The following ATP2B4 variants were observed in gnomAD, a reference collection of about 807,000 sequenced individuals.
The protein encoded by ATP2B4 is plasma membrane calcium-transporting ATPase 4.
In ATP2B4, 39 loss-of-function variants were observed where a neutral mutation model predicts 110.3. That is an observed-to-expected ratio of 0.35 (90% confidence interval 0.27 to 0.46). ATP2B4 has a LOEUF of 0.46. ATP2B4 is among the 20% of genes least tolerant of loss of function. The probability of loss-of-function intolerance (pLI) is 1.00; values close to 1 mark genes in which losing one functional copy is unlikely to be tolerated. For missense variants in ATP2B4, 1,135 were observed against 1,530.9 expected, an observed-to-expected ratio of 0.74 and a Z score of 4.32; for synonymous variants, 538 against 571.7, an observed-to-expected ratio of 0.94 and a Z score of 0.84.
At chr1:203,729,831 C>T in intron 20 of ATP2B4, 1 of 1,272,458 alleles carries the variant, frequency 7.9e-7, no homozygotes, top group South Asian at 1.3e-5. Flanking sequence ...TGGTTTGTCT[C>T]TCAGAGGGCT....
chr1:203,729,655 C>T, intron 20 of ATP2B4: 2 of 1,139,930 alleles, frequency 1.8e-6, no homozygotes, highest in Non-Finnish European at 2.4e-6. Flanking sequence ...TTCCAGGGTG[C>T]TGTGGCTGCC....
At position 203,736,245 on chromosome 1, in the gene ATP2B4, A is replaced by G. The variant is rs189446486; in HGVS notation, c.3310-3301A>G. Among the ~76,000 whole-genome samples the G allele has an allele frequency of 3.2e-4, 49 of 152,260 alleles. No individual in the cohort carries two copies. In the East Asian group the frequency reaches 8.7e-3, roughly 27 times the overall value. On this transcript the variant is annotated intron_variant, in intron 20 of 20. Transcript: ENST00000357681. ...TTTGGGAGGCCGAGGCAGGTGGATT[A>G]CTTGAGGTCAGGAGTTCGAGACCAG...
At chr1:203,658,813 G>A (rs1664244614) in intron 1 of ATP2B4, among the ~76,000 whole-genome samples, 1 of 152,076 alleles carries the variant, frequency 6.6e-6, no homozygotes, top group Non-Finnish European at 1.5e-5. Context: ...AGACCAGCCT[G>A]GCCAACATGG....
intron 20 of ATP2B4, among the ~76,000 whole-genome samples, chr1:203,729,163 G>A (rs989810923): frequency 2.0e-5 from 3 of 152,004 alleles, no homozygotes; most frequent in Admixed American, 6.6e-5. Flanking sequence ...ATCCCACCTC[G>A]TTAGTGTATA....
intron 1 of ATP2B4, among the ~76,000 whole-genome samples, chr1:203,632,181 C>T (rs887185179): frequency 6.6e-6 from 1 of 150,928 alleles, no homozygotes; most frequent in African/African-American, 2.4e-5. Context: ...TGGTACAGTC[C>T]ATACAATAGA....
At chr1:203,654,767 C>G (rs1664105799) in intron 1 of ATP2B4, among the ~76,000 whole-genome samples, 1 of 151,902 alleles carries the variant, frequency 6.6e-6, no homozygotes, top group African/African-American at 2.4e-5. Context: ...TGCTCTTGTG[C>G]TCTCAGCTAC....
intron 18 of ATP2B4, 93 bp from the exon 19 acceptor site, chr1:203,723,788 A>AGTGGGATG: frequency 1.1e-6 from 1 of 934,304 alleles, no homozygotes; most frequent in South Asian, 1.7e-5. Flanking sequence ...GATCCTGAGG[A>AGTGGGATG]GTGGGATGAT....
chr1:203,702,926 C>G (rs1468456744), intron 7 of ATP2B4, among the ~76,000 whole-genome samples: 1 of 152,226 alleles, frequency 6.6e-6, no homozygotes, highest in Non-Finnish European at 1.5e-5. Flanking sequence ...TTTAACTCTT[C>G]TTTTAAAAGC....
At chr1:203,640,530 G>T (rs150200861) in intron 1 of ATP2B4, among the ~76,000 whole-genome samples, 159 of 151,254 alleles carry the variant, frequency 1.1e-3, no homozygotes, top group African/African-American at 3.2e-3. Context: ...TCGCCATGTT[G>T]CCCAGGCTGG....
rs150774161 is a variant in ATP2B4 at position 203,740,820 on chromosome 1, G to A, written c.*966G>A. 10 of 152,356 alleles carry A rather than the reference G, an allele frequency of 6.6e-5. No individual in the cohort carries two copies. The highest frequency in any genetic ancestry group is 6.5e-4 in the Admixed American group (10 of 15,304). 9.4% of individuals were successfully genotyped at this position (152,356 alleles called of 1,614,324 possible). On this transcript the variant is annotated 3_prime_UTR_variant, in exon 21 of 21. Coordinates refer to ENST00000357681, the MANE Select transcript of ATP2B4 (RefSeq NM_001684.5). ...GGGTATGACCCTGCCCCCTTACTGGGCTTGGATATTGAGGACCAGACGCTG... is the reference window on the plus strand; with the variant it reads ...GGGTATGACCCTGCCCCCTTACTGGACTTGGATATTGAGGACCAGACGCTG...
At chr1:203,628,533 G>C (rs779636948) in intron 1 of ATP2B4, among the ~76,000 whole-genome samples, 1 of 152,194 alleles carries the variant, frequency 6.6e-6, no homozygotes, top group Non-Finnish European at 1.5e-5. Flanking sequence ...TGTGGAGAGG[G>C]GAAAGGAGTG....
At chr1:203,697,313 TG>T (rs1665562280) in intron 2 of ATP2B4, among the ~76,000 whole-genome samples, 1 of 152,246 alleles carries the variant, frequency 6.6e-6, no homozygotes. Context: ...CCATCTTGCA[TG>T]ACCTTGAGCA....
intron 20 of ATP2B4, among the ~76,000 whole-genome samples, chr1:203,737,615 G>A (rs1163518747): frequency 1.3e-5 from 2 of 152,138 alleles, no homozygotes; most frequent in East Asian, 3.8e-4. Flanking sequence ...CCTAGATCTG[G>A]AGCAAAGGCA....
At chr1:203,675,646 G>A (rs1664807185) in intron 1 of ATP2B4, among the ~76,000 whole-genome samples, 1 of 152,166 alleles carries the variant, frequency 6.6e-6, no homozygotes, top group Admixed American at 6.5e-5. Context: ...TTTGACTCTA[G>A]TACTACCTTT....
rs756148474 is a variant in ATP2B4, at chr1:203,711,956, A to G, written c.2032-4A>G. 9.3e-6 allele frequency: 15 copies of G among 1,613,796 alleles called. No individual in the cohort carries two copies. Among genetic ancestry groups the G allele is most frequent in the Non-Finnish European group, 1.1e-5 (13 of 1,179,864 alleles). ...CGCCTTTCCCCTTTCTTCACTCTCCATAGGTGCCAGATGCTATTGCCAAAT... is the reference window on the plus strand; with the variant it reads ...CGCCTTTCCCCTTTCTTCACTCTCCGTAGGTGCCAGATGCTATTGCCAAAT... On this transcript the variant is annotated splice_polypyrimidine_tract_variant and splice_region_variant and intron_variant, in intron 12 of 20. Transcript: ENST00000357681.
intron 1 of ATP2B4, among the ~76,000 whole-genome samples, chr1:203,655,897 G>A (rs28371789): frequency 0.96 from 146,006 of 152,034 alleles, 70,406 homozygotes; most frequent in East Asian, 1. Context: ...GATCATTAGC[G>A]TTGTGTTTTG....
In ATP2B4 at chr1:203,740,176, G is replaced by A. The variant is rs781127769; in HGVS notation, c.*322G>A. 2.1e-5 allele frequency: 6 copies of A among 280,264 alleles called. No individual in the cohort carries two copies. The highest frequency in any genetic ancestry group is 6.5e-5 in the African/African-American group (3 of 46,500). The allele number at this position is 280,264 out of a possible 1,614,324, so 17.4% of individuals were successfully genotyped here. ...CATCACCCCACCCCACATTCTCCCC[G>A]ATGTTCCTCTCCTGAATTCTGGATT... On this transcript the variant is annotated 3_prime_UTR_variant, in exon 21 of 21. Coordinates refer to ENST00000357681, the MANE Select transcript of ATP2B4 (RefSeq NM_001684.5).
At chr1:203,648,112 G>C (rs190923329) in intron 1 of ATP2B4, among the ~76,000 whole-genome samples, 3 of 152,260 alleles carry the variant, frequency 2.0e-5, no homozygotes. Context: ...CTGTGAGTGA[G>C]ATTACTCATT....
At chr1:203,706,081 A>C (rs922159187) in intron 8 of ATP2B4, among the ~76,000 whole-genome samples, 5 of 152,204 alleles carry the variant, frequency 3.3e-5, no homozygotes, top group Non-Finnish European at 7.3e-5. Context: ...TTGTCCCCAG[A>C]TATTGATTCC....
Sources: gnomAD v4.1 joint callset for allele counts (sites outside exome capture counted in the v4.1 genomes callset) on GRCh38, gnomAD v4.1.1 for gene constraint, MANE v1.5 for transcripts, NCBI Gene and HGNC (gene_info 2026-07-23, HGNC 2026-07-21) for gene names.